Variants in MTFR2 observed in about 807,000 individuals in gnomAD.
The protein encoded by MTFR2 is DUF729 domain-containing protein 1.
A neutral mutation model predicts 41.2 loss-of-function variants in MTFR2; 44 were observed. The observed-to-expected ratio is 1.07, with a 90% CI of 0.84 to 1.37. The LOEUF (loss-of-function observed/expected upper bound fraction) is 1.37. Ranked by LOEUF, MTFR2 falls within the 40% of genes most tolerant of loss-of-function variation. MTFR2 has a pLI of 0.00. For synonymous variants in MTFR2, 141 were observed against 154.6 expected (o/e 0.91, Z 0.65); for missense variants, 452 against 459.5 (o/e 0.98, Z 0.15).
chr6:136,247,564 T>TAAAAGA (rs974038077), intron 2 of MTFR2: 3 of 455,768 alleles, frequency 6.6e-6, no homozygotes, highest in African/African-American at 6.0e-5. Flanking sequence ...CTTCTAACTT[T>TAAAAGA]AAAAGAAAAA....
chr6:136,242,598 G>A (rs1277511079), intron 4 of MTFR2, among the ~76,000 whole-genome samples: 1 of 151,552 alleles, frequency 6.6e-6, no homozygotes, highest in African/African-American at 2.4e-5. Flanking sequence ...CAGTATATAA[G>A]TTTTGGCTAA....
intron 5 of MTFR2, among the ~76,000 whole-genome samples, chr6:136,240,883 A>T (rs1012666738): frequency 2.0e-5 from 3 of 152,176 alleles, no homozygotes; most frequent in East Asian, 1.9e-4. Flanking sequence ...CGAGGTCAGG[A>T]GATCGAGACC....
chr6:136,242,473 C>T (rs1230247420), intron 4 of MTFR2, among the ~76,000 whole-genome samples: 1 of 152,122 alleles, frequency 6.6e-6, no homozygotes, highest in African/African-American at 2.4e-5. Flanking sequence ...ATAATTGACA[C>T]TTAATGTGCT....
In MTFR2 at chr6:136,242,850, T is replaced by C. The variant is rs1266558110; in HGVS notation, c.281+11A>G. The C allele has an allele frequency of 1.9e-6, 3 of 1,598,300 alleles. No homozygotes were observed. The highest frequency in any genetic ancestry group is 8.6e-7 in the Non-Finnish European group (1 of 1,169,390). Reference sequence around the variant, plus strand: ...TATAGCCCACTTCCCAAGATAAGCATATAAAATTACCGAAATCTGAGATAA... The same window carrying C: ...TATAGCCCACTTCCCAAGATAAGCACATAAAATTACCGAAATCTGAGATAA... On this transcript the variant is annotated intron_variant, in intron 4 of 7. Coordinates refer to ENST00000420702, the MANE Select transcript of MTFR2 (RefSeq NM_001099286.3).
In MTFR2 at chr6:136,240,969, T is replaced by C. The variant is rs972150117; in HGVS notation, c.514+475A>G. ...AGCCGAGCGTGGTGGCGGGCGCCTGTAGTCCCAGCTACTCGAGAGGCTGAG... is the reference window on the plus strand; with the variant it reads ...AGCCGAGCGTGGTGGCGGGCGCCTGCAGTCCCAGCTACTCGAGAGGCTGAG... On this transcript the variant is annotated intron_variant, in intron 5 of 7. Transcript: ENST00000420702. Among the ~76,000 whole-genome samples, 8 of 152,054 alleles carry C rather than the reference T, an allele frequency of 5.3e-5. No homozygotes were observed. The South Asian group carries it at 1.5e-3, about 28-fold the overall frequency.
intron 6 of MTFR2, among the ~76,000 whole-genome samples, chr6:136,237,402 G>C (rs1046325775): frequency 6.6e-6 from 1 of 152,144 alleles, no homozygotes; most frequent in African/African-American, 2.4e-5. Context: ...AGTAATTCAA[G>C]AACAGAGGAA....
At position 136,234,304 on chromosome 6, in the gene MTFR2, C is replaced by CAA. The variant is rs1192464627; in HGVS notation, c.870-807_870-806dup. On this transcript the variant is annotated intron_variant, in intron 6 of 7. Coordinates refer to ENST00000420702, the MANE Select transcript of MTFR2 (RefSeq NM_001099286.3). ...TGGGTGACAGAGCAACACCCTGTCT[C>CAA]AAAAAAAAAAAAAAAAAACTAAATT... Among the ~76,000 whole-genome samples the CAA allele has an allele frequency of 1.4e-3, 76 of 56,286 alleles. 1 individual carries two copies. The highest frequency in any genetic ancestry group is 3.5e-3 in the African/African-American group (63 of 18,188). The allele number at this position is 56,286 out of a possible 152,430, so 36.9% of individuals were successfully genotyped here.
chr6:136,235,528 G>A (rs546533487), intron 6 of MTFR2, among the ~76,000 whole-genome samples: 32 of 152,116 alleles, frequency 2.1e-4, no homozygotes, highest in Non-Finnish European at 3.8e-4. Flanking sequence ...TCTGAACCAG[G>A]TATTTCAACA....
At chr6:136,245,542 A>C (rs1780192173) in intron 2 of MTFR2, among the ~76,000 whole-genome samples, 1 of 152,192 alleles carries the variant, frequency 6.6e-6, no homozygotes, top group South Asian at 2.1e-4. Context: ...GATATAATAA[A>C]TTGGACATTT....
chr6:136,232,245 TAC>T, intron 7 of MTFR2, among the ~76,000 whole-genome samples: 1 of 152,124 alleles, frequency 6.6e-6, no homozygotes, highest in African/African-American at 2.4e-5. Flanking sequence ...TCCACTCTGT[TAC>T]ACTCTTTTTC....
chr6:136,240,763 T>G (rs1780033441), intron 5 of MTFR2, among the ~76,000 whole-genome samples: 1 of 152,196 alleles, frequency 6.6e-6, no homozygotes, highest in Non-Finnish European at 1.5e-5. Flanking sequence ...GCATTCTTCC[T>G]CTTTAATATC....
intron 7 of MTFR2, 117 bp from the exon 8 acceptor site, chr6:136,231,505 AT>A: frequency 1.6e-6 from 1 of 642,442 alleles, no homozygotes; most frequent in Non-Finnish European, 2.7e-6. Context: ...TATTTACCGT[AT>A]TTATTACTAT....
intron 5 of MTFR2, among the ~76,000 whole-genome samples, chr6:136,240,940 A>T (rs1248999296): frequency 2.0e-5 from 3 of 152,076 alleles, no homozygotes; most frequent in Non-Finnish European, 4.4e-5. Context: ...AAATACAAAA[A>T]ATTAGCCGAG....
intron 6 of MTFR2, among the ~76,000 whole-genome samples, chr6:136,234,349 A>C (rs1779849533): frequency 6.6e-6 from 1 of 151,798 alleles, no homozygotes; most frequent in Non-Finnish European, 1.5e-5. Context: ...AAAATAGGGA[A>C]ATGTAATAGT....
chr6:136,239,333 C>T, intron 6 of MTFR2, 133 bp downstream of exon 6: 1 of 628,146 alleles, frequency 1.6e-6, no homozygotes, highest in Non-Finnish European at 2.7e-6. Flanking sequence ...ATGTCATTAT[C>T]TCTAGGAGAG....
rs373434745 is a variant in MTFR2, at chr6:136,250,235, C to G, written c.-314G>C. On this transcript the variant is annotated 5_prime_UTR_variant, in exon 1 of 8. Transcript: ENST00000420702. ...CAGGGTAATGTTATGGGAAGCGCGCCCCCGTCCTCCTGCGCCCAACCAACC... is the reference window on the plus strand; with the variant it reads ...CAGGGTAATGTTATGGGAAGCGCGCGCCCGTCCTCCTGCGCCCAACCAACC... The G allele has an allele frequency of 3.9e-5, 6 of 152,926 alleles. No individual in the cohort carries two copies. The highest frequency in any genetic ancestry group is 5.8e-5 in the Non-Finnish European group (4 of 68,700). 9.5% of individuals were successfully genotyped at this position (152,926 alleles called of 1,614,324 possible).
At chr6:136,240,846 C>A (rs1248162831) in intron 5 of MTFR2, among the ~76,000 whole-genome samples, 1 of 152,202 alleles carries the variant, frequency 6.6e-6, no homozygotes, top group East Asian at 1.9e-4. Flanking sequence ...AATCCCAGCA[C>A]TTTGGGAGGC....
intron 5 of MTFR2, among the ~76,000 whole-genome samples, 171 bp downstream of exon 5, chr6:136,241,273 G>A (rs897728075): frequency 3.3e-5 from 5 of 151,914 alleles, no homozygotes; most frequent in Admixed American, 2.6e-4. Flanking sequence ...ATCCTTTTAT[G>A]TACATTTAAT....
intron 4 of MTFR2, among the ~76,000 whole-genome samples, chr6:136,242,064 A>G (rs547804807): frequency 1.5e-5 from 2 of 131,890 alleles, no homozygotes; most frequent in Non-Finnish European, 3.2e-5. Context: ...TGGTCGACAG[A>G]GTAAGACTCT....
Sources: allele counts gnomAD v4.1 joint callset (sites outside exome capture counted in the v4.1 genomes callset), GRCh38; gene constraint gnomAD v4.1.1; transcripts MANE v1.5; gene names NCBI Gene and HGNC (gene_info 2026-07-23, HGNC 2026-07-21).